Variants in RNF216 observed in about 807,000 individuals in gnomAD.
RNF216 encodes ring finger protein 216.
In RNF216, 72 loss-of-function variants were observed where a neutral mutation model predicts 110.8. The ratio of observed to expected loss-of-function variants is 0.65; its 90% CI spans 0.54 to 0.79. The LOEUF (loss-of-function observed/expected upper bound fraction) is 0.79. Ranked by LOEUF, RNF216 falls within the 30% of genes least tolerant of loss-of-function variation. RNF216 has a pLI of 0.00. For missense variants in RNF216, 1,342 were observed against 1,141.2 expected (o/e 1.18, Z -2.54); for synonymous variants, 495 against 407.5 (o/e 1.21, Z -2.59).
At chr7:5,715,609 C>CA (rs3214426) in intron 10 of RNF216, among the ~76,000 whole-genome samples, 1 of 151,944 alleles carries the variant, frequency 6.6e-6, no homozygotes, top group African/African-American at 2.4e-5. Context: ...GTGAATGGGT[C>CA]TATCGAGGTC....
chr7:5,709,008 G>C (rs1327440926), intron 13 of RNF216, among the ~76,000 whole-genome samples: 2 of 152,148 alleles, frequency 1.3e-5, no homozygotes, highest in Non-Finnish European at 2.9e-5. Context: ...GACCATGCCA[G>C]GTCCCATCAG....
intron 13 of RNF216, among the ~76,000 whole-genome samples, chr7:5,695,372 A>C (rs559697499): frequency 5.8e-4 from 88 of 152,092 alleles, no homozygotes; most frequent in African/African-American, 1.8e-3. Context: ...TCCTGACCTC[A>C]CACTCCCCAG....
intron 1 of RNF216, among the ~76,000 whole-genome samples, chr7:5,764,477 G>A (rs1035602187): frequency 2.6e-5 from 4 of 151,732 alleles, no homozygotes; most frequent in East Asian, 1.9e-4. Context: ...GCAAAACGCC[G>A]TCTCTACTAA....
chr7:5,621,831 G>A lies in RNF216; in HGVS notation c.*1029C>T. ...GGCGAGGAGGGTGAGTGGGGACATG[G>A]CAGGGCTGAGCTGATGCTCAGCTGA... On this transcript the variant is annotated 3_prime_UTR_variant, in exon 17 of 17. Coordinates refer to ENST00000389902, the MANE Select transcript of RNF216 (RefSeq NM_207111.4). The A allele has an allele frequency of 6.6e-6, 1 of 152,602 alleles. No homozygotes were observed. Among genetic ancestry groups the A allele is most frequent in the Non-Finnish European group, 1.5e-5 (1 of 68,258 alleles). 9.5% of individuals were successfully genotyped at this position (152,602 alleles called of 1,614,324 possible). A position where few individuals can be genotyped will look rare whatever the true frequency, so the allele number is the denominator to read the frequency against.
intron 2 of RNF216, among the ~76,000 whole-genome samples, chr7:5,754,345 T>G (rs1354991728): frequency 6.6e-6 from 1 of 151,990 alleles, no homozygotes; most frequent in Non-Finnish European, 1.5e-5. Context: ...TTTTTTTTTG[T>G]AGAGATGGAG....
In RNF216 at chr7:5,741,542, C is replaced by G; in HGVS notation, c.475G>C (p.Gly159Arg). 2 of 1,614,156 alleles carry G rather than the reference C, an allele frequency of 1.2e-6. No homozygotes were observed. The highest frequency in any genetic ancestry group is 1.7e-6 in the Non-Finnish European group (2 of 1,180,034). The change falls in exon 4 of 17, where the codon GGA becomes CGA. Residue 159 changes from glycine (G) to arginine (R), a missense_variant. Transcript: ENST00000389902. ...TTTGCTGCTTGGTTATGACTCGGTC[C>G]AGGCTTGGGTTCTCTTTCTGTTTGG... ...SGQTEREPKP[G>R]PSHNQAANDI...
At chr7:5,677,829 G>C (rs1202582104) in intron 13 of RNF216, among the ~76,000 whole-genome samples, 1 of 152,168 alleles carries the variant, frequency 6.6e-6, no homozygotes, top group Non-Finnish European at 1.5e-5. Flanking sequence ...TCAGAATCCA[G>C]TAGAATCAGG....
At chr7:5,731,014 C>CA (rs1171161911) in intron 5 of RNF216, among the ~76,000 whole-genome samples, 197 bp from the exon 6 acceptor site, 1 of 147,296 alleles carries the variant, frequency 6.8e-6, no homozygotes, top group African/African-American at 2.6e-5. Context: ...TTGTGAAAGA[C>CA]AAAAAAATTT....
chr7:5,749,021 C>T (rs1299270826), intron 3 of RNF216, among the ~76,000 whole-genome samples: 1 of 152,134 alleles, frequency 6.6e-6, no homozygotes, highest in African/African-American at 2.4e-5. Flanking sequence ...AAAAAGGAAG[C>T]ACTTCAATCT....
At chr7:5,632,290 G>T (rs1200863638) in intron 15 of RNF216, among the ~76,000 whole-genome samples, 2 of 152,198 alleles carry the variant, frequency 1.3e-5, no homozygotes, top group African/African-American at 2.4e-5. Context: ...CAGTCTCTGT[G>T]CCTCATCCTT....
intron 9 of RNF216, among the ~76,000 whole-genome samples, chr7:5,718,550 CTT>C (rs914318770): frequency 8.5e-5 from 12 of 141,502 alleles, no homozygotes; most frequent in Non-Finnish European, 6.2e-5. Context: ...ATAACCCACC[CTT>C]TTTTTTTTTT....
At chr7:5,712,924 G>C in intron 11 of RNF216, 61 bp from the exon 12 acceptor site, 3 of 1,475,232 alleles carry the variant, frequency 2.0e-6, no homozygotes, top group Non-Finnish European at 2.8e-6. Context: ...AAAATAAAAA[G>C]CGTCAGTGGT....
At chr7:5,741,960 A>C in intron 3 of RNF216, 145 bp from the exon 4 acceptor site, 2 of 808,612 alleles carry the variant, frequency 2.5e-6, no homozygotes, top group Non-Finnish European at 3.8e-6. Context: ...CATTTATCTT[A>C]ACACTGAAAT....
intron 3 of RNF216, among the ~76,000 whole-genome samples, chr7:5,744,907 G>A (rs11560234): frequency 0.055 from 8,303 of 152,060 alleles, 256 homozygotes; most frequent in African/African-American, 0.073. Context: ...GGGAGGCAGA[G>A]GTTGCAGTGA....
intron 5 of RNF216, among the ~76,000 whole-genome samples, chr7:5,732,629 C>G (rs1794158400): frequency 6.6e-6 from 1 of 152,126 alleles, no homozygotes; most frequent in African/African-American, 2.4e-5. Flanking sequence ...TTATGTTTAC[C>G]AACACAACTC....
chr7:5,683,143 C>CA, intron 13 of RNF216, among the ~76,000 whole-genome samples: 1 of 152,018 alleles, frequency 6.6e-6, no homozygotes, highest in East Asian at 1.9e-4. Context: ...AACAAACAAA[C>CA]AAAAAACAGA....
At chr7:5,651,289 C>T (rs1373064731) in intron 14 of RNF216, among the ~76,000 whole-genome samples, 2 of 151,406 alleles carry the variant, frequency 1.3e-5, no homozygotes, top group African/African-American at 4.9e-5. Flanking sequence ...TGTAGTGGTG[C>T]GATTTTGGCT....
At chr7:5,727,425 G>C (rs762130262) in intron 7 of RNF216, among the ~76,000 whole-genome samples, 3 of 152,124 alleles carry the variant, frequency 2.0e-5, no homozygotes, top group Admixed American at 6.5e-5. Flanking sequence ...TCCTCATCTT[G>C]CACAAACTCT....
chr7:5,673,827 G>C (rs1351176889), intron 13 of RNF216, among the ~76,000 whole-genome samples: 1 of 150,526 alleles, frequency 6.6e-6, no homozygotes, highest in Non-Finnish European at 1.5e-5. Flanking sequence ...GCCTAGGAAA[G>C]ATAGAGAGAC....
Sources: gnomAD v4.1 joint callset for allele counts (sites outside exome capture counted in the v4.1 genomes callset) on GRCh38, gnomAD v4.1.1 for gene constraint, MANE v1.5 for transcripts, NCBI Gene and HGNC (gene_info 2026-07-23, HGNC 2026-07-21) for gene names.